The following FHIT variants were observed in gnomAD, a reference collection of about 807,000 sequenced individuals.
FHIT encodes bis(5'-adenosyl)-triphosphatase.
A neutral mutation model predicts 17.9 loss-of-function variants in FHIT; 19 were observed. The observed-to-expected ratio is 1.06, with a 90% confidence interval of 0.74 to 1.56. The LOEUF is 1.56. Among genes scored for constraint, FHIT ranks in the 40% most tolerant of loss-of-function variants. The pLI is 0.00. For missense variants in FHIT, 248 were observed against 189.2 expected, an observed-to-expected ratio of 1.31 and a Z score of -1.82; for synonymous variants, 81 against 69.7, an observed-to-expected ratio of 1.16 and a Z score of -0.81.
chr3:59,802,110 C>A (rs909733720), intron 8 of FHIT, among the ~76,000 whole-genome samples: 1 of 152,108 alleles, frequency 6.6e-6, no homozygotes, highest in Non-Finnish European at 1.5e-5. Context: ...CCAGCTCAGG[C>A]ACACTGAATG....
At chr3:60,116,496 C>T (rs1345037502) in intron 5 of FHIT, among the ~76,000 whole-genome samples, 1 of 152,110 alleles carries the variant, frequency 6.6e-6, no homozygotes, top group Non-Finnish European at 1.5e-5. Context: ...TTTCTCACCT[C>T]CTTGAGATAC....
At chr3:59,905,939 G>A (rs1282250730) in intron 8 of FHIT, among the ~76,000 whole-genome samples, 2 of 152,150 alleles carry the variant, frequency 1.3e-5, no homozygotes, top group East Asian at 3.8e-4. Flanking sequence ...ACAGTGCTTT[G>A]TAAAACTGTA....
intron 5 of FHIT, among the ~76,000 whole-genome samples, chr3:60,502,995 T>C (rs1361422272): frequency 6.6e-6 from 1 of 152,086 alleles, no homozygotes; most frequent in Non-Finnish European, 1.5e-5. Context: ...ATTAAGAAAA[T>C]TGGAATGCTT....
At chr3:60,009,173 G>A (rs1431569900) in intron 7 of FHIT, among the ~76,000 whole-genome samples, 2 of 55,130 alleles carry the variant, frequency 3.6e-5, no homozygotes, top group African/African-American at 1.7e-4. Context: ...TTATGTGTGT[G>A]TGTGTGTGTG....
chr3:59,767,069 C>G (rs1288496439), intron 8 of FHIT, among the ~76,000 whole-genome samples: 1 of 152,160 alleles, frequency 6.6e-6, no homozygotes, highest in Non-Finnish European at 1.5e-5. Context: ...ACTGTTCTTT[C>G]ACATTGCAAA....
intron 5 of FHIT, among the ~76,000 whole-genome samples, chr3:60,097,045 A>G (rs1703981520): frequency 6.8e-6 from 1 of 146,014 alleles, no homozygotes; most frequent in African/African-American, 2.5e-5. Context: ...AAAAAAAGGA[A>G]TAGAAGAACT....
chr3:59,879,391 A>G (rs1703303610), intron 8 of FHIT, among the ~76,000 whole-genome samples: 1 of 152,200 alleles, frequency 6.6e-6, no homozygotes, highest in Non-Finnish European at 1.5e-5. Context: ...TTTCCACAGT[A>G]AGGTAATAAA....
At chr3:59,871,506 G>A (rs1046149529) in intron 8 of FHIT, among the ~76,000 whole-genome samples, 1 of 152,018 alleles carries the variant, frequency 6.6e-6, no homozygotes, top group Non-Finnish European at 1.5e-5. Context: ...TTTCAGATGA[G>A]GATAATGGGG....
chr3:60,476,850 T>G (rs1317556613), intron 5 of FHIT, among the ~76,000 whole-genome samples: 1 of 52,932 alleles, frequency 1.9e-5, no homozygotes, highest in Non-Finnish European at 3.6e-5. Context: ...GGGGAAGGAT[T>G]TTTTTTTTTT....
At chr3:60,883,121 C>G (rs999832913) in intron 3 of FHIT, among the ~76,000 whole-genome samples, 1 of 151,790 alleles carries the variant, frequency 6.6e-6, no homozygotes, top group South Asian at 2.1e-4. Flanking sequence ...ACAATAGCTA[C>G]AGAAAGAAAA....
chr3:60,409,009 C>A (rs1430425565), intron 5 of FHIT, among the ~76,000 whole-genome samples: 1 of 152,070 alleles, frequency 6.6e-6, no homozygotes, highest in African/African-American at 2.4e-5. Context: ...GCTCAAACGC[C>A]AACTTTGCAG....
chr3:60,261,363 A>T (rs1172944610), intron 5 of FHIT, among the ~76,000 whole-genome samples: 1 of 151,998 alleles, frequency 6.6e-6, no homozygotes, highest in Non-Finnish European at 1.5e-5. Flanking sequence ...AGATGGTACC[A>T]ATCGCAAGGA....
At chr3:60,621,104 C>T (rs899968292) in intron 4 of FHIT, among the ~76,000 whole-genome samples, 35 of 151,218 alleles carry the variant, frequency 2.3e-4, no homozygotes, top group Non-Finnish European at 5.0e-4. Context: ...GGGGCAAATG[C>T]TCCTCACAGT....
chr3:60,685,299 T>A (rs1553698103), intron 4 of FHIT, among the ~76,000 whole-genome samples: 1 of 152,176 alleles, frequency 6.6e-6, no homozygotes, highest in Non-Finnish European at 1.5e-5. Context: ...CTGCCTTATG[T>A]CAATTCAATC....
At chr3:60,642,212 C>G in intron 4 of FHIT, among the ~76,000 whole-genome samples, 1 of 152,102 alleles carries the variant, frequency 6.6e-6, no homozygotes, top group Middle Eastern at 3.2e-3. Context: ...CCTCCTGGGT[C>G]AACAAGCAGG....
intron 5 of FHIT, among the ~76,000 whole-genome samples, chr3:60,084,444 C>A (rs1559618071): frequency 6.6e-6 from 1 of 152,060 alleles, no homozygotes; most frequent in Non-Finnish European, 1.5e-5. Context: ...TTGGGCCAGA[C>A]CCTACGCTAT....
chr3:60,622,189 G>T (rs2039151846), intron 4 of FHIT, among the ~76,000 whole-genome samples: 1 of 152,108 alleles, frequency 6.6e-6, no homozygotes, highest in South Asian at 2.1e-4. Context: ...ACTTTCTACA[G>T]GTAACAAGCA....
At chr3:60,652,127 A>G (rs2040004369) in intron 4 of FHIT, among the ~76,000 whole-genome samples, 1 of 152,182 alleles carries the variant, frequency 6.6e-6, no homozygotes, top group Non-Finnish European at 1.5e-5. Flanking sequence ...AATAGCAGGT[A>G]CAACACAGGA....
chr3:60,152,867 T>C (rs1056260892), intron 5 of FHIT, among the ~76,000 whole-genome samples: 1 of 152,186 alleles, frequency 6.6e-6, no homozygotes, highest in African/African-American at 2.4e-5. Flanking sequence ...CTGCTTTAAT[T>C]TGGAGGTCTC....
Sources: gnomAD v4.1 joint callset for allele counts (sites outside exome capture counted in the v4.1 genomes callset) on GRCh38, gnomAD v4.1.1 for gene constraint, MANE v1.5 for transcripts, NCBI Gene and HGNC (gene_info 2026-07-23, HGNC 2026-07-21) for gene names.